The following UBXN6 variants were observed in gnomAD, a reference collection of about 807,000 sequenced individuals.
UBXN6 encodes UBX domain-containing protein 6.
UBXN6 carries 44 observed loss-of-function variants against 51.4 expected under a neutral mutation model. The ratio of observed to expected loss-of-function variants is 0.86; its 90% confidence interval spans 0.67 to 1.10. The LOEUF (loss-of-function observed/expected upper bound fraction) is 1.10, where lower values mean the gene tolerates loss of function less well. Ranked by LOEUF, UBXN6 falls within the 50% of genes least tolerant of loss-of-function variation. The pLI is 0.00. For missense variants in UBXN6, 672 were observed against 596.1 expected (o/e 1.13, Z -1.32); for synonymous variants, 316 against 263.2 (o/e 1.20, Z -1.94).
rs749182866 is a variant in UBXN6, at chr19:4,446,569, G to A, written c.851C>T (p.Ser284Leu). 1.6e-5 allele frequency: 26 copies of A among 1,612,414 alleles called. No homozygotes were observed. Among genetic ancestry groups the A allele is most frequent in the Non-Finnish European group, 2.1e-5 (25 of 1,179,910 alleles). The change falls in exon 8 of 11, where the codon TCG becomes TTG. Residue 284 changes from serine (S) to leucine (L), a missense_variant. By Grantham distance (145) the Ser-to-Leu change is moderately radical. Transcript: ENST00000301281. ...GAAGTCCCCAGGCAGTTCGAACTGCGAGGCCAGGGGCGAGGGCTGGAAGAC... is the reference window on the plus strand; with the variant it reads ...GAAGTCCCCAGGCAGTTCGAACTGCAAGGCCAGGGGCGAGGGCTGGAAGAC... ...RRVFQPSPLA[S>L]QFELPGDFFN...
intron 1 of UBXN6, 66 bp from the exon 2 acceptor site, chr19:4,454,159 C>CA (rs1568193380): frequency 1.4e-6 from 2 of 1,453,366 alleles, no homozygotes; most frequent in African/African-American, 2.9e-5. Context: ...GACGTGCAGT[C>CA]ACACAGAGGA....
chr19:4,447,979 G>T, intron 5 of UBXN6: 2 of 501,794 alleles, frequency 4.0e-6, no homozygotes, highest in South Asian at 4.5e-5. Flanking sequence ...GTGCTCCCTC[G>T]GCGTTGGCGG....
chr19:4,451,656 A>C lies in UBXN6; in HGVS notation c.441+708T>G, dbSNP rs369394770. Among the ~76,000 whole-genome samples the C allele has an allele frequency of 4.6e-5, 7 of 151,388 alleles. No individual in the cohort carries two copies. In the East Asian group the frequency reaches 1.4e-3, roughly 30 times the overall value. ...ATGCTGTGGACGTTTTTATTTTTTG[A>C]GATGGAGTTTTGCTCTTGTTGCCCA... is the stretch of plus-strand genomic sequence containing the variant. On this transcript the variant is annotated intron_variant, in intron 4 of 10. Transcript: ENST00000301281.
chr19:4,446,352 G>T lies in UBXN6; in HGVS notation c.982C>A (p.Gln328Lys). The T allele has an allele frequency of 6.4e-7, 1 of 1,570,806 alleles. No individual in the cohort carries two copies. Among genetic ancestry groups the T allele is most frequent in the Non-Finnish European group, 8.6e-7 (1 of 1,164,896 alleles). Residue 328 changes from glutamine (Q) to lysine (K), a missense_variant, in exon 9 of 11, where the codon CAG becomes AAG. Physicochemically the swap from Gln to Lys is moderately conservative, Grantham distance 53. Transcript: ENST00000301281. ...RTKAMREKEE[Q>K]RGLRKYNYTL... Reference sequence around the variant, plus strand: ...TAGTTGTACTTGCGCAGCCCCCGCTGCTCCTCCTTCTCCCGCATGGCCTTG... The same window carrying T: ...TAGTTGTACTTGCGCAGCCCCCGCTTCTCCTCCTTCTCCCGCATGGCCTTG...
intron 1 of UBXN6, chr19:4,455,435 G>T: frequency 3.1e-6 from 1 of 320,658 alleles, no homozygotes; most frequent in Non-Finnish European, 4.5e-6. Flanking sequence ...CCGATATCTG[G>T]GTCTTTCCAA....
intron 2 of UBXN6, 41 bp downstream of exon 2, chr19:4,453,889 C>CA (rs1245942153): frequency 1.9e-6 from 3 of 1,592,446 alleles, no homozygotes; most frequent in East Asian, 2.2e-5. Context: ...CCGAGAACCT[C>CA]AAACAGCCCC....
intron 1 of UBXN6, among the ~76,000 whole-genome samples, chr19:4,455,724 T>C (rs888611630): frequency 1.3e-5 from 2 of 152,062 alleles, no homozygotes; most frequent in Admixed American, 6.6e-5. Context: ...CTGCACCTTC[T>C]GCCCAGAATG....
At chr19:4,457,554 G>T in intron 1 of UBXN6, 61 bp downstream of exon 1, 2 of 1,438,322 alleles carry the variant, frequency 1.4e-6, no homozygotes, top group Non-Finnish European at 9.3e-7. Flanking sequence ...CAAGGCCCCA[G>T]ATCTCTCTCC....
In UBXN6 at chr19:4,445,703, G is replaced by T. The variant is rs562890252; in HGVS notation, c.1201-80C>A. On this transcript the variant is annotated intron_variant, in intron 10 of 10. Coordinates refer to ENST00000301281, the MANE Select transcript of UBXN6 (RefSeq NM_025241.3). ...AGGGAACTCAGCGGGCAACCTGGGC[G>T]CGGGGATGCCCCGGCCTGGAAGCCA... 2.7e-4 allele frequency: 421 copies of T among 1,560,732 alleles called. 3 individuals carry two copies. The African/African-American group carries it at 4.6e-3, about 17-fold the overall frequency.
At chr19:4,450,757 TCAAAAAAA>T (rs1974638929) in intron 4 of UBXN6, 1 of 18,616 alleles carries the variant, frequency 5.4e-5, no homozygotes, top group African/African-American at 2.1e-4. Flanking sequence ...AGACTCTGTC[TCAAAAAAA>T]AAAAAAAAAA....
Position 4,446,618 on chromosome 19 carries a change from C to T in UBXN6, c.802G>A (p.Ala268Thr), listed in dbSNP as rs151060057. The T allele has an allele frequency of 2.6e-5, 42 of 1,612,406 alleles. No individual in the cohort carries two copies. The East Asian group carries it at 2.9e-4, about 11-fold the overall frequency. ...ACGCGGCGCTGCCTGTCCAGCTTGG[C>T]GCGCACGGGCTCCGCAGCCAGCAGC... is the stretch of plus-strand genomic sequence containing the variant. ...EQLLAAEPVRAKLDRQRRVFQ... is the reference protein window; with the variant it reads ...EQLLAAEPVRTKLDRQRRVFQ... The change falls in exon 8 of 11, where the codon GCC (alanine) becomes ACC (threonine). Residue 268 changes from alanine (A) to threonine (T), a missense_variant. Coordinates refer to ENST00000301281, the MANE Select transcript of UBXN6 (RefSeq NM_025241.3).
chr19:4,455,130 C>G, intron 1 of UBXN6: 1 of 871,248 alleles, frequency 1.1e-6, no homozygotes, highest in East Asian at 1.2e-4. Context: ...AGTGACCTGG[C>G]AGAGAAGCCT....
In UBXN6 at chr19:4,446,589, G is replaced by A. The variant is rs777138995; in HGVS notation, c.831C>T (p.Phe277=). ...ACTGCGAGGCCAGGGGCGAGGGCTG[G>A]AAGACGCGGCGCTGCCTGTCCAGCT... ...RAKLDRQRRV[F]QPSPLASQFE... The change falls in exon 8 of 11, where the codon TTC becomes TTT. Residue 277 remains phenylalanine (F), a synonymous_variant. Transcript: ENST00000301281. 4.3e-6 allele frequency: 7 copies of A among 1,612,670 alleles called. No individual in the cohort carries two copies. The South Asian group carries it at 5.5e-5, about 13-fold the overall frequency.
At chr19:4,455,151 C>T in intron 1 of UBXN6, 3 of 952,268 alleles carry the variant, frequency 3.2e-6, no homozygotes, top group Non-Finnish European at 2.5e-6. Flanking sequence ...CGCAGAGAAG[C>T]CCTTTCTCCC....
In UBXN6 at chr19:4,446,842, C is replaced by A; in HGVS notation, c.694G>T (p.Asp232Tyr). 5 of 1,614,080 alleles carry A rather than the reference C, an allele frequency of 3.1e-6. No homozygotes were observed. The highest frequency in any genetic ancestry group is 4.2e-6 in the Non-Finnish European group (5 of 1,180,032). Residue 232 changes from aspartate to tyrosine, a missense_variant, in exon 7 of 11, where the codon GAT becomes TAT. By Grantham distance (160) the Asp-to-Tyr change is radical. Transcript: ENST00000301281. The part of the protein sequence containing the change: ...GFQKVLLPAQ[D>Y]QEDPEEFYVL... ...CCAGGCCCTGTCCACTTACCCTGAT[C>A]CTGGGCGGGAAGCAACACCTTCTGG...
intron 4 of UBXN6, among the ~76,000 whole-genome samples, chr19:4,451,046 ATTTTGTTTTG>A (rs920893062): frequency 6.6e-6 from 1 of 151,814 alleles, no homozygotes; most frequent in Non-Finnish European, 1.5e-5. Context: ...AACTATTACT[ATTTTGTTTTG>A]TTTTGTTTTT....
At chr19:4,450,972 G>T (rs968033258) in intron 4 of UBXN6, 1 of 152,188 alleles carries the variant, frequency 6.6e-6, no homozygotes, top group East Asian at 1.9e-4. Context: ...TATGGTGAGA[G>T]GATGGGGACA....
Position 4,454,015 on chromosome 19 carries a change from C to T in UBXN6, c.162G>A (p.Met54Ile), listed in dbSNP as rs1974700928. 1.9e-6 allele frequency: 3 copies of T among 1,606,196 alleles called. No individual in the cohort carries two copies. The highest frequency in any genetic ancestry group is 2.5e-6 in the Non-Finnish European group (3 of 1,177,962). The change falls in exon 2 of 11, where the codon ATG becomes ATA. Residue 54 changes from methionine to isoleucine, a missense_variant. Met to Ile is a conservative substitution (Grantham distance 10). Transcript: ENST00000301281. ...PRQGPTNEAQ[M>I]AAAAALARLE... ...GCCGGGCTAGGGCGGCAGCGGCTGC[C>T]ATCTGTGCCTCATTGGTGGGTCCCT...
At position 4,445,604 on chromosome 19, in the gene UBXN6, G is replaced by T; in HGVS notation, c.1220C>A (p.Thr407Asn). ...ECGLVPSALLTFSWDMAVLED... is the reference protein window; with the variant it reads ...ECGLVPSALLNFSWDMAVLED... ...CAGCACAGCCATGTCCCACGAGAAGGTCAGGAGGGCAGAGGGCACCTGCGG... is the reference window on the plus strand; with the variant it reads ...CAGCACAGCCATGTCCCACGAGAAGTTCAGGAGGGCAGAGGGCACCTGCGG... The change falls in exon 11 of 11, where the codon ACC becomes AAC. Residue 407 changes from threonine (T) to asparagine (N), a missense_variant. Coordinates refer to ENST00000301281, the MANE Select transcript of UBXN6 (RefSeq NM_025241.3). The T allele has an allele frequency of 1.2e-6, 2 of 1,613,496 alleles. No homozygotes were observed. The highest frequency in any genetic ancestry group is 1.3e-5 in the African/African-American group (1 of 75,062).
Sources: allele counts gnomAD v4.1 joint callset (sites outside exome capture counted in the v4.1 genomes callset), GRCh38; gene constraint gnomAD v4.1.1; transcripts MANE v1.5; gene names NCBI Gene and HGNC (gene_info 2026-07-23, HGNC 2026-07-21).